GALNT11: variants seen among roughly 807,000 people sequenced by gnomAD.
The protein encoded by GALNT11 is UDP-GalNAc:polypeptide N-acetylgalactosaminyltransferase 11.
In GALNT11, 47 loss-of-function variants were observed where a neutral mutation model predicts 72.7. The ratio of observed to expected loss-of-function variants is 0.65; its 90% CI spans 0.51 to 0.82. The LOEUF is 0.82. GALNT11 is among the 40% of genes least tolerant of loss of function. GALNT11 has a pLI of 0.00. For missense variants in GALNT11, 677 were observed against 778.4 expected (o/e 0.87, Z 1.55); for synonymous variants, 270 against 286.6 (o/e 0.94, Z 0.58).
At chr7:152,103,485 A>G in intron 4 of GALNT11, 1 of 445,544 alleles carries the variant, frequency 2.2e-6, no homozygotes, top group Non-Finnish European at 3.9e-6. Context: ...TTGGGCCGTG[A>G]AATTTTTTCC....
intron 1 of GALNT11, among the ~76,000 whole-genome samples, chr7:152,051,205 T>TG (rs1230227179): frequency 6.8e-6 from 1 of 146,616 alleles, no homozygotes; most frequent in East Asian, 2.0e-4. Context: ...GGTTGTTTTT[T>TG]TTTTTTTTTT....
rs1321023677 is a variant in GALNT11 at position 152,025,780 on chromosome 7, G to A, written c.-143G>A. 2.7e-5 allele frequency: 5 copies of A among 186,338 alleles called. No homozygotes were observed. The highest frequency in any genetic ancestry group is 5.9e-5 in the Admixed American group (1 of 16,886). 11.5% of individuals were successfully genotyped at this position (186,338 alleles called of 1,614,324 possible). A position where few individuals can be genotyped will look rare whatever the true frequency, so the allele number is the denominator to read the frequency against. ...CGCCTGGCTGCTGGGCCCCGGGGCA[G>A]TTCAGCCCGCGCCGCTCCTGCGGGT... On this transcript the variant is annotated 5_prime_UTR_variant, in exon 1 of 12. Transcript: ENST00000430044.
chr7:152,030,475 T>C (rs2082256738), intron 1 of GALNT11, among the ~76,000 whole-genome samples: 1 of 152,220 alleles, frequency 6.6e-6, no homozygotes, highest in Non-Finnish European at 1.5e-5. Context: ...ATTAATGATA[T>C]TCATATATAA....
chr7:152,050,758 G>T (rs1475378026), intron 1 of GALNT11, among the ~76,000 whole-genome samples: 1 of 152,242 alleles, frequency 6.6e-6, no homozygotes, highest in Non-Finnish European at 1.5e-5. Context: ...TCCCAGAGCA[G>T]TTTAGCCCAT....
At chr7:152,102,855 C>T (rs2087089692) in intron 3 of GALNT11, among the ~76,000 whole-genome samples, 1 of 151,816 alleles carries the variant, frequency 6.6e-6, no homozygotes, top group South Asian at 2.1e-4. Flanking sequence ...GTGTCGCATG[C>T]CTGTAATCCC....
At chr7:152,051,369 AT>A (rs1360172463) in intron 1 of GALNT11, among the ~76,000 whole-genome samples, 1 of 151,882 alleles carries the variant, frequency 6.6e-6, no homozygotes, top group African/African-American at 2.4e-5. Context: ...TATTTTTAAA[AT>A]GAATGCTGTT....
Position 152,025,869 on chromosome 7 carries a change from G to A in GALNT11, c.-54G>A, listed in dbSNP as rs2081980019. The A allele has an allele frequency of 1.0e-5, 3 of 285,718 alleles. No homozygotes were observed. The highest frequency in any genetic ancestry group is 8.3e-5 in the South Asian group (3 of 36,270). The allele number at this position is 285,718 out of a possible 1,614,324, so 17.7% of individuals were successfully genotyped here. The stretch of plus-strand genomic sequence containing the variant: ...CGAGTCCCAGAAGGCGGCGATCCTG[G>A]GCTGCGGGCAAGGCGGTGAGTACCC... On this transcript the variant is annotated 5_prime_UTR_variant, in exon 1 of 12. Transcript: ENST00000430044.
chr7:152,038,113 G>A (rs953739257), intron 1 of GALNT11, among the ~76,000 whole-genome samples: 7 of 152,122 alleles, frequency 4.6e-5, no homozygotes, highest in African/African-American at 1.7e-4. Context: ...AGTTTTCATT[G>A]CAGAGATCAT....
intron 8 of GALNT11, among the ~76,000 whole-genome samples, chr7:152,114,601 C>A (rs2088641062): frequency 6.6e-6 from 1 of 151,364 alleles, no homozygotes; most frequent in South Asian, 2.1e-4. Flanking sequence ...ACTCTTGTTG[C>A]CCAGGCTGAA....
intron 2 of GALNT11, among the ~76,000 whole-genome samples, chr7:152,099,620 T>C (rs1198235297): frequency 7.2e-6 from 1 of 138,748 alleles, no homozygotes; most frequent in Non-Finnish European, 1.5e-5. Context: ...ACTCCTGACC[T>C]CAAGCAATCT....
intron 10 of GALNT11, chr7:152,119,788 A>C (rs2089255956): frequency 1.3e-5 from 2 of 152,212 alleles, no homozygotes; most frequent in Non-Finnish European, 2.9e-5. Flanking sequence ...AGGCAGGGGA[A>C]TTGGTTCAAC....
At chr7:152,104,238 C>G (rs1015209939) in intron 4 of GALNT11, 2 of 152,228 alleles carry the variant, frequency 1.3e-5, no homozygotes, top group African/African-American at 4.8e-5. Flanking sequence ...GGAAATGAGA[C>G]CTCTGGTCTG....
chr7:152,045,890 A>C (rs1165884858), intron 1 of GALNT11, among the ~76,000 whole-genome samples: 1 of 151,586 alleles, frequency 6.6e-6, no homozygotes, highest in Non-Finnish European at 1.5e-5. Flanking sequence ...TAGGTGGTTT[A>C]TTTGGAGTTT....
chr7:152,067,050 A>G (rs565287472), intron 1 of GALNT11, among the ~76,000 whole-genome samples: 7 of 152,364 alleles, frequency 4.6e-5, no homozygotes, highest in East Asian at 3.9e-4. Flanking sequence ...CACAACGTCA[A>G]CGAAGCACAA....
intron 1 of GALNT11, among the ~76,000 whole-genome samples, chr7:152,050,896 A>G (rs2083363119): frequency 6.6e-6 from 1 of 152,138 alleles, no homozygotes; most frequent in Non-Finnish European, 1.5e-5. Context: ...CCACTGTGAC[A>G]GGGCAGCACT....
intron 1 of GALNT11, among the ~76,000 whole-genome samples, chr7:152,039,191 A>G (rs1334616362): frequency 6.6e-6 from 1 of 152,214 alleles, no homozygotes; most frequent in Admixed American, 6.5e-5. Flanking sequence ...TAGGGGACCA[A>G]TCAATTCCAT....
intron 1 of GALNT11, among the ~76,000 whole-genome samples, chr7:152,077,158 C>A (rs1162709578): frequency 6.6e-6 from 1 of 152,200 alleles, no homozygotes; most frequent in African/African-American, 2.4e-5. Context: ...CTAGCCTGCA[C>A]TCTTTGAAAT....
chr7:152,080,079 G>C (rs895510426), intron 1 of GALNT11, among the ~76,000 whole-genome samples: 4 of 152,194 alleles, frequency 2.6e-5, no homozygotes, highest in Non-Finnish European at 4.4e-5. Context: ...TTAAAAGGTG[G>C]TTAAGAATTT....
intron 1 of GALNT11, among the ~76,000 whole-genome samples, chr7:152,062,816 C>T (rs1328898624): frequency 6.6e-6 from 1 of 152,104 alleles, no homozygotes; most frequent in African/African-American, 2.4e-5. Flanking sequence ...GGATGAAGCC[C>T]ACTTGATCAT....
Sources: allele counts gnomAD v4.1 joint callset (sites outside exome capture counted in the v4.1 genomes callset), GRCh38; gene constraint gnomAD v4.1.1; transcripts MANE v1.5; gene names NCBI Gene and HGNC (gene_info 2026-07-23, HGNC 2026-07-21).